XKR9: variants seen among roughly 807,000 people sequenced by gnomAD.
The protein encoded by XKR9 is XK related 9.
XKR9 carries 32 observed loss-of-function variants against 32.0 expected under a neutral mutation model. The ratio of observed to expected loss-of-function variants is 1.00; its 90% confidence interval spans 0.76 to 1.34. The LOEUF (loss-of-function observed/expected upper bound fraction) is 1.34, where lower values mean the gene tolerates loss of function less well. XKR9 is among the 40% of genes most tolerant of loss of function. XKR9 has a pLI of 0.00. For synonymous variants in XKR9, 168 were observed against 143.4 expected, an observed-to-expected ratio of 1.17 and a Z score of -1.22; for missense variants, 546 against 429.7, an observed-to-expected ratio of 1.27 and a Z score of -2.39.
At chr8:70,770,589 C>G (rs563022303) in intron 2 of XKR9, among the ~76,000 whole-genome samples, 1 of 152,324 alleles carries the variant, frequency 6.6e-6, no homozygotes, top group East Asian at 1.9e-4. Flanking sequence ...GGGCTGCTGT[C>G]TTCCTTTCAG....
chr8:70,836,413 A>G, the XKR9 span, among the ~76,000 whole-genome samples: 6 of 151,982 alleles, frequency 3.9e-5, no homozygotes. Context: ...TTAGTTTGTC[A>G]GTTCTAGATA....
chr8:70,715,076 C>G (rs547314982), intron 4 of XKR9, among the ~76,000 whole-genome samples: 18 of 152,206 alleles, frequency 1.2e-4, no homozygotes, highest in African/African-American at 4.1e-4. Context: ...TGAGAATCGA[C>G]TATTGTGCCT....
the XKR9 span, among the ~76,000 whole-genome samples, chr8:70,967,503 C>A: frequency 2.0e-5 from 3 of 152,110 alleles, no homozygotes; most frequent in Non-Finnish European, 1.5e-5. Context: ...ATTTTGCAGA[C>A]TTGTTTATGT....
At chr8:70,782,175 C>T (rs1162823646) in intron 2 of XKR9, among the ~76,000 whole-genome samples, 2 of 152,160 alleles carry the variant, frequency 1.3e-5, no homozygotes, top group African/African-American at 4.8e-5. Context: ...CTATCTTAGA[C>T]TCTTTGAAAG....
the XKR9 span, among the ~76,000 whole-genome samples, chr8:71,057,496 C>CT: frequency 6.6e-6 from 1 of 152,136 alleles, no homozygotes; most frequent in Non-Finnish European, 1.5e-5. Flanking sequence ...TTTTGTAGTA[C>CT]TTTGTTTTTT....
At chr8:71,047,883 A>G in the XKR9 span, among the ~76,000 whole-genome samples, 1 of 152,176 alleles carries the variant, frequency 6.6e-6, no homozygotes, top group East Asian at 1.9e-4. Flanking sequence ...TGGCCAAACT[A>G]CCTCTGCAGT....
chr8:70,937,974 C>A, the XKR9 span, among the ~76,000 whole-genome samples: 2 of 151,846 alleles, frequency 1.3e-5, no homozygotes, highest in Non-Finnish European at 2.9e-5. Flanking sequence ...TGGGTTAGAC[C>A]ACAGAGGGAT....
the XKR9 span, among the ~76,000 whole-genome samples, chr8:70,810,349 A>T: frequency 6.6e-6 from 1 of 152,248 alleles, no homozygotes; most frequent in Non-Finnish European, 1.5e-5. Context: ...CCAAAATGTA[A>T]AGACCATCGA....
chr8:70,915,809 A>G, the XKR9 span, among the ~76,000 whole-genome samples: 2 of 152,178 alleles, frequency 1.3e-5, no homozygotes, highest in Non-Finnish European at 2.9e-5. Context: ...TAGTCCTGAA[A>G]AGCCGCCTTT....
intron 2 of XKR9, among the ~76,000 whole-genome samples, chr8:70,783,345 G>T (rs1047555472): frequency 2.6e-5 from 4 of 151,730 alleles, no homozygotes; most frequent in Admixed American, 6.6e-5. Flanking sequence ...TCCTGCCTCA[G>T]CCTCCCAAGT....
At chr8:70,801,448 T>G in the XKR9 span, among the ~76,000 whole-genome samples, 1 of 152,226 alleles carries the variant, frequency 6.6e-6, no homozygotes. Context: ...AGCAGGTTGT[T>G]TAATTTCCAT....
chr8:70,700,859 C>T (rs191445178), intron 3 of XKR9, among the ~76,000 whole-genome samples: 1 of 152,196 alleles, frequency 6.6e-6, no homozygotes, highest in South Asian at 2.1e-4. Context: ...TTCCCAGCTG[C>T]TTTGTTTACC....
At chr8:70,728,274 G>A (rs1005701255) in intron 4 of XKR9, among the ~76,000 whole-genome samples, 4 of 152,066 alleles carry the variant, frequency 2.6e-5, no homozygotes, top group Non-Finnish European at 4.4e-5. Context: ...TAATCTTAAG[G>A]TGTTGGCTAA....
chr8:70,818,060 A>T, the XKR9 span, among the ~76,000 whole-genome samples: 1 of 152,190 alleles, frequency 6.6e-6, no homozygotes, highest in Non-Finnish European at 1.5e-5. Context: ...TTGACTAAGG[A>T]TTTATGACAG....
chr8:70,968,935 C>G, the XKR9 span, among the ~76,000 whole-genome samples: 3 of 152,118 alleles, frequency 2.0e-5, no homozygotes, highest in Non-Finnish European at 4.4e-5. Flanking sequence ...GATCGGGGAC[C>G]CACTTAAAGA....
At chr8:70,721,559 AC>A (rs1181897738) in intron 4 of XKR9, among the ~76,000 whole-genome samples, 1 of 152,156 alleles carries the variant, frequency 6.6e-6, no homozygotes, top group Non-Finnish European at 1.5e-5. Context: ...TTTGTTATTT[AC>A]CCAGTAGTCA....
At chr8:70,887,830 C>T in the XKR9 span, among the ~76,000 whole-genome samples, 2 of 152,046 alleles carry the variant, frequency 1.3e-5, no homozygotes, top group Non-Finnish European at 2.9e-5. Context: ...GGGGCTGAGA[C>T]AATGGGGTTT....
chr8:70,813,956 G>A, the XKR9 span, among the ~76,000 whole-genome samples: 9 of 152,126 alleles, frequency 5.9e-5, no homozygotes, highest in Non-Finnish European at 1.3e-4. Flanking sequence ...TATACCCAAA[G>A]GATTATAAAT....
At chr8:71,026,203 CTG>C in the XKR9 span, among the ~76,000 whole-genome samples, 3 of 152,202 alleles carry the variant, frequency 2.0e-5, no homozygotes, top group Non-Finnish European at 4.4e-5. Flanking sequence ...TTTGTCCAAA[CTG>C]TGTTCTTGTC....
Sources: gnomAD v4.1 joint callset for allele counts (sites outside exome capture counted in the v4.1 genomes callset) on GRCh38, gnomAD v4.1.1 for gene constraint, MANE v1.5 for transcripts, NCBI Gene and HGNC (gene_info 2026-07-23, HGNC 2026-07-21) for gene names.